Variants in GRIK2 observed in about 807,000 individuals in gnomAD.
The protein encoded by GRIK2 is glutamate ionotropic receptor kainate type subunit 2, also known as glutamate receptor ionotropic, kainate 2.
A neutral mutation model predicts 100.3 loss-of-function variants in GRIK2; 32 were observed. The observed-to-expected ratio is 0.32, with a 90% CI of 0.24 to 0.43. GRIK2 has a LOEUF of 0.43. GRIK2 is among the 20% of genes least tolerant of loss of function. The pLI is 1.00. For missense variants in GRIK2, 843 were observed against 1,114.9 expected, an observed-to-expected ratio of 0.76 and a Z score of 3.47; for synonymous variants, 417 against 389.4, an observed-to-expected ratio of 1.07 and a Z score of -0.83.
At chr6:101,510,982 G>A in intron 2 of GRIK2, among the ~76,000 whole-genome samples, 1 of 152,088 alleles carries the variant, frequency 6.6e-6, no homozygotes, top group Middle Eastern at 3.2e-3. Flanking sequence ...ATAACACAAA[G>A]CATGGGGAGA....
intron 4 of GRIK2, among the ~76,000 whole-genome samples, chr6:101,672,936 T>C (rs1450579867): frequency 6.6e-6 from 1 of 152,188 alleles, no homozygotes; most frequent in Non-Finnish European, 1.5e-5. Context: ...GTATATCCCA[T>C]TAATGGGATT....
At chr6:101,623,028 A>G (rs941411461) in intron 3 of GRIK2, among the ~76,000 whole-genome samples, 55 of 152,180 alleles carry the variant, frequency 3.6e-4, no homozygotes, top group African/African-American at 1.3e-3. Context: ...TTTTTCTCAA[A>G]GGAAAAGGCT....
intron 15 of GRIK2, among the ~76,000 whole-genome samples, chr6:102,039,781 T>C (rs2114445466): frequency 6.6e-6 from 1 of 151,622 alleles, no homozygotes; most frequent in Non-Finnish European, 1.5e-5. Context: ...GGCCAGTTGG[T>C]ATTATTTTGC....
intron 10 of GRIK2, among the ~76,000 whole-genome samples, chr6:101,819,848 G>C (rs1055904087): frequency 1.2e-4 from 18 of 152,088 alleles, no homozygotes; most frequent in Admixed American, 2.0e-4. Flanking sequence ...GCTTGAACAA[G>C]GACAACATCA....
intron 14 of GRIK2, among the ~76,000 whole-genome samples, chr6:102,014,812 A>T (rs1795746666): frequency 6.6e-6 from 1 of 152,020 alleles, no homozygotes; most frequent in South Asian, 2.1e-4. Flanking sequence ...TTGGTATGAC[A>T]GGGGGTTCTT....
At chr6:101,602,126 CTT>C (rs1383392323) in intron 2 of GRIK2, among the ~76,000 whole-genome samples, 1 of 151,582 alleles carries the variant, frequency 6.6e-6, no homozygotes, top group African/African-American at 2.4e-5. Flanking sequence ...TTGTGTATCT[CTT>C]TTCATTTATT....
At position 101,435,816 on chromosome 6, in the gene GRIK2, C is replaced by A. The variant is rs1336666956; in HGVS notation, c.115+36424C>A. Among the ~76,000 whole-genome samples, 3 of 152,242 alleles carry A rather than the reference C, an allele frequency of 2.0e-5. No homozygotes were observed. The East Asian group carries it at 5.8e-4, about 29-fold the overall frequency. On this transcript the variant is annotated intron_variant, in intron 2 of 16. Coordinates refer to ENST00000369134, the MANE Select transcript of GRIK2 (RefSeq NM_021956.5). ...TGTCTTTGACTTTTTTCTTCCCTTA[C>A]TTCTCAAGTTTAATCATTTTTTCAG...
chr6:101,478,451 T>C (rs958493022), intron 2 of GRIK2, among the ~76,000 whole-genome samples: 1 of 151,698 alleles, frequency 6.6e-6, no homozygotes, highest in South Asian at 2.1e-4. Flanking sequence ...GTGGAAACTT[T>C]TTATAAGTTA....
intron 8 of GRIK2, among the ~76,000 whole-genome samples, chr6:101,802,054 C>T (rs1326704279): frequency 6.6e-6 from 1 of 151,648 alleles, no homozygotes; most frequent in Non-Finnish European, 1.5e-5. Context: ...AAGAGGTACA[C>T]TACTTAAAAC....
In GRIK2 at chr6:101,450,504, A is replaced by G. The variant is rs141187054; in HGVS notation, c.115+51112A>G. 4.7e-3 allele frequency among the ~76,000 whole-genome samples: 719 copies of G among 151,832 alleles called. 7 individuals carry two copies. Among genetic ancestry groups the G allele is most frequent in the African/African-American group, 0.016 (683 of 41,498 alleles). On this transcript the variant is annotated intron_variant, in intron 2 of 16. Transcript: ENST00000369134. Reference sequence around the variant, plus strand: ...TCAAGGATGTGATTCTGTACCAGGGACAATTTTAATATCAGCTTTAGAACT... The same window carrying G: ...TCAAGGATGTGATTCTGTACCAGGGGCAATTTTAATATCAGCTTTAGAACT...
At chr6:101,661,895 G>A (rs774064769) in intron 4 of GRIK2, among the ~76,000 whole-genome samples, 13 of 152,136 alleles carry the variant, frequency 8.5e-5, no homozygotes, top group African/African-American at 1.7e-4. Flanking sequence ...GCTGCAGACC[G>A]GAGCTGTTCC....
chr6:101,481,220 C>T (rs1054947189), intron 2 of GRIK2, among the ~76,000 whole-genome samples: 10 of 151,992 alleles, frequency 6.6e-5, no homozygotes, highest in Non-Finnish European at 1.3e-4. Flanking sequence ...ATTTTTGAAA[C>T]CTGTTTTTTT....
At chr6:101,857,119 G>GA (rs1784463471) in intron 10 of GRIK2, among the ~76,000 whole-genome samples, 2 of 152,178 alleles carry the variant, frequency 1.3e-5, no homozygotes, top group Middle Eastern at 6.8e-3. Flanking sequence ...CAAGGCAGGG[G>GA]AAAAAATGGT....
intron 14 of GRIK2, among the ~76,000 whole-genome samples, chr6:102,016,869 C>T (rs927950761): frequency 2.6e-5 from 4 of 151,978 alleles, no homozygotes; most frequent in Non-Finnish European, 5.9e-5. Context: ...TTAAAAGCAG[C>T]TATAGAGAAA....
chr6:101,441,210 G>A (rs1174412994), intron 2 of GRIK2, among the ~76,000 whole-genome samples: 1 of 152,022 alleles, frequency 6.6e-6, no homozygotes, highest in Non-Finnish European at 1.5e-5. Flanking sequence ...CCCCATGCAG[G>A]TTGGTCCTCG....
intron 12 of GRIK2, among the ~76,000 whole-genome samples, chr6:101,909,418 GA>G (rs1474267377): frequency 7.6e-6 from 1 of 131,002 alleles, no homozygotes; most frequent in East Asian, 2.3e-4. Context: ...GGGATTTAGG[GA>G]AAAAAGTGTC....
intron 2 of GRIK2, among the ~76,000 whole-genome samples, chr6:101,567,074 G>A (rs1389601522): frequency 6.6e-6 from 1 of 151,588 alleles, no homozygotes; most frequent in Non-Finnish European, 1.5e-5. Flanking sequence ...GTAATTTTTA[G>A]TGTATCATCA....
intron 9 of GRIK2, among the ~76,000 whole-genome samples, chr6:101,815,450 T>A (rs576934041): frequency 6.6e-6 from 1 of 152,250 alleles, no homozygotes; most frequent in East Asian, 1.9e-4. Flanking sequence ...TGAATCCTTA[T>A]AATTAGAATG....
intron 2 of GRIK2, among the ~76,000 whole-genome samples, chr6:101,566,784 T>C (rs1777296775): frequency 6.7e-6 from 1 of 149,936 alleles, no homozygotes; most frequent in East Asian, 1.9e-4. Flanking sequence ...TATGTATGCC[T>C]ATTATATATA....
Sources: allele counts gnomAD v4.1 joint callset (sites outside exome capture counted in the v4.1 genomes callset), GRCh38; gene constraint gnomAD v4.1.1; transcripts MANE v1.5; gene names NCBI Gene and HGNC (gene_info 2026-07-23, HGNC 2026-07-21).